ROBO2: variants seen among roughly 807,000 people sequenced by gnomAD.
ROBO2 encodes the protein roundabout homolog 2.
In ROBO2, 53 loss-of-function variants were observed where a neutral mutation model predicts 160.8. The ratio of observed to expected loss-of-function variants is 0.33; its 90% confidence interval spans 0.26 to 0.41. The LOEUF is 0.41. Among genes scored for constraint, ROBO2 ranks in the 10% least tolerant of loss-of-function variants. The pLI is 1.00. For synonymous variants in ROBO2, 664 were observed against 611.7 expected (o/e 1.09, Z -1.26); for missense variants, 1,577 against 1,722.4 (o/e 0.92, Z 1.49).
intron 2 of ROBO2, among the ~76,000 whole-genome samples, chr3:76,164,528 G>A (rs1114301): frequency 6.6e-6 from 1 of 152,106 alleles, no homozygotes; most frequent in African/African-American, 2.4e-5. Flanking sequence ...TGGATGTTGT[G>A]TTAGCAGGTG....
intron 2 of ROBO2, among the ~76,000 whole-genome samples, chr3:76,130,103 G>C (rs985298389): frequency 6.6e-6 from 1 of 152,072 alleles, no homozygotes; most frequent in African/African-American, 2.4e-5. Flanking sequence ...TGAAAAGGAT[G>C]TGGAGAGATG....
chr3:76,333,600 C>A (rs2073655635), intron 2 of ROBO2, among the ~76,000 whole-genome samples: 1 of 152,168 alleles, frequency 6.6e-6, no homozygotes, highest in African/African-American at 2.4e-5. Flanking sequence ...AAAAAGCATT[C>A]AACCAGAATG....
chr3:76,200,731 C>CTATA (rs1702483130), intron 2 of ROBO2, among the ~76,000 whole-genome samples: 1 of 152,094 alleles, frequency 6.6e-6, no homozygotes, highest in Non-Finnish European at 1.5e-5. Flanking sequence ...CCAGATTATC[C>CTATA]TATAGTAGGG....
chr3:76,122,176 T>C (rs538996860), intron 2 of ROBO2, among the ~76,000 whole-genome samples: 2 of 152,316 alleles, frequency 1.3e-5, no homozygotes, highest in Non-Finnish European at 2.9e-5. Flanking sequence ...TGAAAGGCAT[T>C]GATGACTAAT....
intron 11 of ROBO2, 93 bp downstream of exon 12, chr3:77,563,422 C>A: frequency 8.5e-7 from 1 of 1,178,720 alleles, no homozygotes; most frequent in Non-Finnish European, 1.3e-6. Flanking sequence ...TTATTAAAGA[C>A]ATGTCCAATC....
At chr3:76,559,341 A>G (rs774815519) in intron 2 of ROBO2, among the ~76,000 whole-genome samples, 1 of 152,192 alleles carries the variant, frequency 6.6e-6, no homozygotes, top group Non-Finnish European at 1.5e-5. Flanking sequence ...TTATAAAAAT[A>G]AATTATCTTG....
intron 2 of ROBO2, among the ~76,000 whole-genome samples, chr3:76,975,380 CT>C (rs1166210505): frequency 1.3e-5 from 2 of 152,178 alleles, no homozygotes; most frequent in African/African-American, 2.4e-5. Flanking sequence ...TGGGAGGTGC[CT>C]GTAGTCCCAG....
intron 2 of ROBO2, among the ~76,000 whole-genome samples, chr3:76,099,885 A>G (rs2069609852): frequency 6.6e-6 from 1 of 152,160 alleles, no homozygotes; most frequent in Non-Finnish European, 1.5e-5. Flanking sequence ...GTTGCCATGG[A>G]TTCTCCACTT....
intron 1 of ROBO2, among the ~76,000 whole-genome samples, chr3:77,058,403 C>G (rs1236311770): frequency 1.3e-5 from 2 of 152,140 alleles, no homozygotes; most frequent in East Asian, 1.9e-4. Context: ...TTGTACACCT[C>G]TTCTGTAACT....
At chr3:77,632,348 TA>T in intron 23 of ROBO2, 1 of 702,412 alleles carries the variant, frequency 1.4e-6, no homozygotes, top group Non-Finnish European at 2.2e-6. Flanking sequence ...TGCATTTGGC[TA>T]AAGAAATCAT....
rs1310606510 is a variant in ROBO2, at chr3:75,948,760, C to A, written c.109+11158C>A. On this transcript the variant is annotated intron_variant, in intron 2 of 26. Transcript: ENST00000487694. ...ATATTGAAAAAATAAACATGTTCTT[C>A]TATCTTTAATATTTTATATCTTATA... Among the ~76,000 whole-genome samples, 4 of 152,222 alleles carry A rather than the reference C, an allele frequency of 2.6e-5. No individual in the cohort carries two copies. In the East Asian group the frequency reaches 5.8e-4, roughly 22 times the overall value.
chr3:77,372,823 G>T (rs921578165), intron 2 of ROBO2, among the ~76,000 whole-genome samples: 1 of 151,854 alleles, frequency 6.6e-6, no homozygotes, highest in Non-Finnish European at 1.5e-5. Flanking sequence ...AGGGATTAAG[G>T]CTTTATTACT....
At chr3:76,230,014 C>A (rs1475429717) in intron 2 of ROBO2, among the ~76,000 whole-genome samples, 1 of 152,066 alleles carries the variant, frequency 6.6e-6, no homozygotes, top group Non-Finnish European at 1.5e-5. Flanking sequence ...GAAAGGAGAC[C>A]CTGGGAGATA....
chr3:75,916,584 CCTTT>C (rs1240365349), intron 1 of ROBO2, among the ~76,000 whole-genome samples: 3 of 151,992 alleles, frequency 2.0e-5, no homozygotes, highest in African/African-American at 7.2e-5. Flanking sequence ...TTATAACTGA[CCTTT>C]CTTTGTCAAG....
chr3:77,345,163 G>T (rs886880190), intron 2 of ROBO2, among the ~76,000 whole-genome samples: 5 of 152,176 alleles, frequency 3.3e-5, no homozygotes, highest in African/African-American at 1.2e-4. Flanking sequence ...CTAGGTGAAG[G>T]ATTTGCATCA....
At chr3:76,501,312 T>C (rs1397075973) in intron 2 of ROBO2, among the ~76,000 whole-genome samples, 1 of 152,230 alleles carries the variant, frequency 6.6e-6, no homozygotes, top group Non-Finnish European at 1.5e-5. Flanking sequence ...CTCTGCTATG[T>C]ATAATAATTG....
intron 2 of ROBO2, among the ~76,000 whole-genome samples, chr3:76,871,534 A>G (rs1428801898): frequency 1.4e-5 from 2 of 148,028 alleles, no homozygotes; most frequent in Non-Finnish European, 3.0e-5. Flanking sequence ...AGCCTGGGCG[A>G]CAGAGCGAGA....
intron 2 of ROBO2, among the ~76,000 whole-genome samples, chr3:76,002,108 G>A (rs1479497704): frequency 1.3e-5 from 2 of 152,150 alleles, no homozygotes; most frequent in African/African-American, 2.4e-5. Context: ...AAATAATGAG[G>A]CGGTAATTCC....
chr3:77,013,389 A>C (rs987579997), intron 2 of ROBO2, among the ~76,000 whole-genome samples: 2 of 152,146 alleles, frequency 1.3e-5, no homozygotes, highest in African/African-American at 4.8e-5. Flanking sequence ...TACAAAGAAG[A>C]ATGTGGTTGT....
Sources: allele counts gnomAD v4.1 joint callset (sites outside exome capture counted in the v4.1 genomes callset), GRCh38; gene constraint gnomAD v4.1.1; transcripts MANE v1.5; gene names NCBI Gene and HGNC (gene_info 2026-07-23, HGNC 2026-07-21).